Variants in GPR158 observed in about 807,000 individuals in gnomAD.
GPR158 encodes metabotropic glycine receptor.
In GPR158, 30 loss-of-function variants were observed where a neutral mutation model predicts 78.2. That is an observed-to-expected ratio of 0.38 (90% CI 0.29 to 0.52). GPR158 has a LOEUF of 0.52. Ranked by LOEUF, GPR158 falls within the 20% of genes least tolerant of loss-of-function variation. The probability of loss-of-function intolerance (pLI) is 0.83; values close to 1 mark genes in which losing one functional copy is unlikely to be tolerated. For synonymous variants in GPR158, 581 were observed against 591.1 expected, an observed-to-expected ratio of 0.98 and a Z score of 0.25; for missense variants, 1,463 against 1,523.5, an observed-to-expected ratio of 0.96 and a Z score of 0.66.
chr10:25,433,149 A>G (rs1196996152), intron 4 of GPR158, among the ~76,000 whole-genome samples: 1 of 152,216 alleles, frequency 6.6e-6, no homozygotes, highest in African/African-American at 2.4e-5. Flanking sequence ...ATTTATACTC[A>G]GGTCTGTTTG....
intron 2 of GPR158, among the ~76,000 whole-genome samples, chr10:25,375,979 G>A (rs1834073623): frequency 6.6e-6 from 1 of 151,546 alleles, no homozygotes; most frequent in African/African-American, 2.4e-5. Context: ...GGGAAGAATT[G>A]ACATCTTTAT....
At position 25,175,655 on chromosome 10, in the gene GPR158, C is replaced by G. The variant is rs1036672664; in HGVS notation, c.235C>G (p.Pro79Ala). The change falls in exon 1 of 11, where the codon CCC (proline) becomes GCC (alanine). Residue 79 changes from proline to alanine, a missense_variant. By Grantham distance (27) the Pro-to-Ala change is conservative. Coordinates refer to ENST00000376351, the MANE Select transcript of GPR158 (RefSeq NM_020752.3). The surrounding 1 kb of genome is among the most constrained non-coding windows in gnomAD (Gnocchi z 6.4). The stretch of plus-strand genomic sequence containing the variant: ...GGCGCAGAAACTCGCCGAGGAGGTG[C>G]CCATGGACGTGGCCTCTTACCTCTA... Reference protein sequence around the residue: ...ILAQKLAEEVPMDVASYLYTG... With the variant: ...ILAQKLAEEVAMDVASYLYTG... The G allele has an allele frequency of 1.9e-6, 3 of 1,611,280 alleles. No individual in the cohort carries two copies. The highest frequency in any genetic ancestry group is 2.7e-5 in the African/African-American group (2 of 74,930).
intron 2 of GPR158, among the ~76,000 whole-genome samples, chr10:25,325,982 G>A (rs1403146166): frequency 2.0e-5 from 3 of 151,100 alleles, no homozygotes; most frequent in Non-Finnish European, 2.9e-5. Flanking sequence ...AGGGGAACAC[G>A]TGCAGGATGT....
intron 5 of GPR158, among the ~76,000 whole-genome samples, chr10:25,547,715 C>T (rs552223729): frequency 6.6e-6 from 1 of 152,174 alleles, no homozygotes; most frequent in Admixed American, 6.5e-5. Context: ...TGGAACCAAA[C>T]TTCCTGGATT....
At chr10:25,284,094 T>C (rs1854314417) in intron 2 of GPR158, among the ~76,000 whole-genome samples, 1 of 152,100 alleles carries the variant, frequency 6.6e-6, no homozygotes, top group South Asian at 2.1e-4. Flanking sequence ...CTGCTTTTGC[T>C]GGGTAGAGTG....
chr10:25,398,337 T>C (rs886851940), intron 3 of GPR158, among the ~76,000 whole-genome samples: 1 of 152,336 alleles, frequency 6.6e-6, no homozygotes. Flanking sequence ...TGCTTTTTGG[T>C]GTGTGTGTGC....
chr10:25,248,108 T>A (rs1419574658), intron 2 of GPR158, among the ~76,000 whole-genome samples: 1 of 151,678 alleles, frequency 6.6e-6, no homozygotes, highest in Non-Finnish European at 1.5e-5. Flanking sequence ...GCTGCATAAA[T>A]GTCTTCTTTT....
chr10:25,372,674 C>A (rs1314358648), intron 2 of GPR158, among the ~76,000 whole-genome samples: 2 of 123,412 alleles, frequency 1.6e-5, no homozygotes, highest in South Asian at 5.2e-4. Flanking sequence ...CACATGGACA[C>A]AGGAAGGAGA....
intron 6 of GPR158, 50 bp from the exon 7 acceptor site, chr10:25,572,599 A>T (rs1455318007): frequency 8.8e-7 from 1 of 1,133,382 alleles, no homozygotes; most frequent in South Asian, 1.2e-5. Context: ...TTAGAGTTAT[A>T]CTTTCTGAAT....
intron 5 of GPR158, among the ~76,000 whole-genome samples, chr10:25,547,435 G>A (rs540434159): frequency 3.3e-5 from 5 of 152,010 alleles, no homozygotes; most frequent in Non-Finnish European, 4.4e-5. Context: ...TCCACACTCC[G>A]GAACTTTCCC....
intron 2 of GPR158, among the ~76,000 whole-genome samples, chr10:25,344,613 A>G (rs543023951): frequency 3.4e-4 from 52 of 152,130 alleles, no homozygotes; most frequent in South Asian, 1.7e-3. Context: ...CTGAAGTCTA[A>G]ACATGATGCA....
intron 7 of GPR158, 109 bp from the exon 8 acceptor site, chr10:25,588,898 C>T (rs1392788543): frequency 8.6e-6 from 5 of 579,194 alleles, no homozygotes; most frequent in Admixed American, 3.1e-5. Context: ...ACTTTCTAAC[C>T]CATCTATTTA....
At chr10:25,284,875 A>G (rs1854325968) in intron 2 of GPR158, among the ~76,000 whole-genome samples, 1 of 152,138 alleles carries the variant, frequency 6.6e-6, no homozygotes, top group Admixed American at 6.6e-5. Flanking sequence ...TAGTATAAAT[A>G]CTTTATAGCA....
At chr10:25,595,064 CATTGTT>C (rs1837383317) in intron 9 of GPR158, among the ~76,000 whole-genome samples, 3 of 152,124 alleles carry the variant, frequency 2.0e-5, no homozygotes, top group South Asian at 4.1e-4. Flanking sequence ...CAAATTATAT[CATTGTT>C]ATTATTTTCC....
rs1855451519 is a variant in GPR158 at position 25,350,977 on chromosome 10, T to A, written c.1009-44934T>A. 2.0e-5 allele frequency among the ~76,000 whole-genome samples: 3 copies of A among 151,940 alleles called. No homozygotes were observed. In the South Asian group the frequency reaches 6.2e-4, roughly 31 times the overall value. On this transcript the variant is annotated intron_variant, in intron 2 of 10. Transcript: ENST00000376351. ...CTATAGATAAATGATTTAAAACAAG[T>A]TTTATGAGGGGTTATAATAAAAATG...
chr10:25,594,070 T>C, intron 8 of GPR158: 1 of 382,564 alleles, frequency 2.6e-6, no homozygotes, highest in South Asian at 4.0e-5. Context: ...CTGCCTTTCT[T>C]ACTATTGTTA....
At position 25,347,480 on chromosome 10, in the gene GPR158, A is replaced by G. The variant is rs138383580; in HGVS notation, c.1009-48431A>G. 6.5e-3 allele frequency among the ~76,000 whole-genome samples: 989 copies of G among 152,100 alleles called. 10 individuals carry two copies. Among genetic ancestry groups the G allele is most frequent in the African/African-American group, 0.023 (943 of 41,530 alleles). On this transcript the variant is annotated intron_variant, in intron 2 of 10. Transcript: ENST00000376351. ...AGGCTGCACAGATTAGGATGTGGCC[A>G]TCTTTGGGGGCCTACTACCATGCCT... is the stretch of plus-strand genomic sequence containing the variant.
intron 2 of GPR158, among the ~76,000 whole-genome samples, chr10:25,339,409 T>A (rs1232815761): frequency 6.6e-5 from 10 of 152,160 alleles, no homozygotes; most frequent in Admixed American, 5.9e-4. Flanking sequence ...TCTTTGTGAT[T>A]CTCTTAGGGT....
chr10:25,383,765 G>C lies in GPR158; in HGVS notation c.1009-12146G>C, dbSNP rs1834187495. ...AACCAAGAAGAATAGAAAAAAAAAA[G>C]TTGAAACAATCAAAAGAGACTCTAA... On this transcript the variant is annotated intron_variant, in intron 2 of 10. Coordinates refer to ENST00000376351, the MANE Select transcript of GPR158 (RefSeq NM_020752.3). 2.0e-5 allele frequency among the ~76,000 whole-genome samples: 3 copies of C among 152,058 alleles called. No individual in the cohort carries two copies. In the South Asian group the frequency reaches 6.2e-4, roughly 32 times the overall value.
Sources: allele counts gnomAD v4.1 joint callset (sites outside exome capture counted in the v4.1 genomes callset), GRCh38; gene constraint gnomAD v4.1.1; non-coding constraint Gnocchi (gnomAD v3.1); transcripts MANE v1.5; gene names NCBI Gene and HGNC (gene_info 2026-07-23, HGNC 2026-07-21).